TIAM1: variants seen among roughly 807,000 people sequenced by gnomAD.
The protein encoded by TIAM1 is rho guanine nucleotide exchange factor TIAM1.
In TIAM1, 65 loss-of-function variants were observed where a neutral mutation model predicts 163.5. That is an observed-to-expected ratio of 0.40 (90% CI 0.33 to 0.49). The LOEUF is 0.49. TIAM1 is among the 20% of genes least tolerant of loss of function. The pLI, the probability that TIAM1 is intolerant of heterozygous loss-of-function variation, is 0.77. For missense variants in TIAM1, 1,789 were observed against 2,044.7 expected (o/e 0.87, Z 2.41); for synonymous variants, 833 against 810.1 (o/e 1.03, Z -0.48).
intron 4 of TIAM1, among the ~76,000 whole-genome samples, chr21:31,263,924 C>A (rs2072616605): frequency 6.6e-6 from 1 of 152,132 alleles, no homozygotes; most frequent in South Asian, 2.1e-4. Context: ...CATGATCTGT[C>A]CAATTGACAG....
intron 2 of TIAM1, among the ~76,000 whole-genome samples, chr21:31,371,452 GA>G (rs1221374881): frequency 6.6e-6 from 1 of 152,160 alleles, no homozygotes; most frequent in African/African-American, 2.4e-5. Context: ...GGATGGGAAA[GA>G]AAATGTAATG....
At chr21:31,377,176 G>A (rs1197194071) in intron 2 of TIAM1, among the ~76,000 whole-genome samples, 2 of 99,208 alleles carry the variant, frequency 2.0e-5, no homozygotes, top group African/African-American at 4.1e-5. Flanking sequence ...ACTGCACCTG[G>A]CTGAAACTTT....
Position 31,120,211 on chromosome 21 carries a change from A to C in TIAM1, c.*157T>G. 1.6e-6 allele frequency: 1 copy of C among 643,554 alleles called. No homozygotes were observed. The allele number at this position is 643,554 out of a possible 1,614,324, so 39.9% of individuals were successfully genotyped here. ...TTTCTGATGTTGTTGAAAATGACAA[A>C]GTTGGGTGGCTACATGGCTTCAGAA... is the stretch of plus-strand genomic sequence containing the variant. On this transcript the variant is annotated 3_prime_UTR_variant, in exon 28 of 28. Coordinates refer to ENST00000541036, the MANE Select transcript of TIAM1 (RefSeq NM_001353694.2). This position sits in a 1 kb window ranked among gnomAD's most constrained non-coding sequence, Gnocchi z 4.2.
chr21:31,321,692 G>A (rs376905209), intron 2 of TIAM1, among the ~76,000 whole-genome samples: 1 of 151,632 alleles, frequency 6.6e-6, no homozygotes, highest in African/African-American at 2.4e-5. Flanking sequence ...AATTTTAAAA[G>A]CAAGTAAAAA....
chr21:31,443,261 A>G (rs2044501525), intron 2 of TIAM1, among the ~76,000 whole-genome samples: 1 of 152,304 alleles, frequency 6.6e-6, no homozygotes, highest in East Asian at 1.9e-4. Context: ...CTAGTAACAG[A>G]CAAGAAATAA....
At chr21:31,151,862 A>G (rs749684544) in intron 19 of TIAM1, among the ~76,000 whole-genome samples, 1 of 152,140 alleles carries the variant, frequency 6.6e-6, no homozygotes, top group Non-Finnish European at 1.5e-5. Context: ...AGAGGAAATA[A>G]GCATCCTTGC....
At chr21:31,160,716 G>C (rs1289791621) in intron 16 of TIAM1, 2 of 386,246 alleles carry the variant, frequency 5.2e-6, no homozygotes, top group African/African-American at 2.1e-5. Context: ...AACGCAGCAA[G>C]GACAGCGACG....
In TIAM1 at chr21:31,395,151, T is replaced by C. The variant is rs1218978300; in HGVS notation, c.-368-55729A>G. ...TACTTGGGAGGCTGCGGCACCAGAA[T>C]TGCTTGAGCCTGGGAGGCAGAGGTT... On this transcript the variant is annotated intron_variant, in intron 2 of 28. Transcript: ENST00000286827. This position sits in a 1 kb window ranked among gnomAD's most constrained non-coding sequence, Gnocchi z 7.5. Among the ~76,000 whole-genome samples, 1 of 152,000 alleles carries C rather than the reference T, an allele frequency of 6.6e-6. No homozygotes were observed. Among genetic ancestry groups the C allele is most frequent in the African/African-American group, 2.4e-5 (1 of 41,382 alleles).
At chr21:31,363,335 C>T (rs540239557) in intron 2 of TIAM1, among the ~76,000 whole-genome samples, 2 of 152,260 alleles carry the variant, frequency 1.3e-5, no homozygotes, top group South Asian at 2.1e-4. Flanking sequence ...CACAGACAAA[C>T]GTATTCCCAC....
intron 2 of TIAM1, among the ~76,000 whole-genome samples, chr21:31,295,501 T>A (rs1468319771): frequency 1.4e-5 from 2 of 143,800 alleles, no homozygotes; most frequent in East Asian, 2.0e-4. Context: ...GTCTTAAAGA[T>A]TATTTGGGTG....
intron 1 of TIAM1, among the ~76,000 whole-genome samples, chr21:31,509,736 G>A (rs1333465541): frequency 6.6e-6 from 1 of 152,112 alleles, no homozygotes; most frequent in Admixed American, 6.6e-5. Context: ...AAAAGTCAGA[G>A]GCCCTTCCCT....
intron 4 of TIAM1, among the ~76,000 whole-genome samples, chr21:31,255,382 C>G (rs573136501): frequency 6.6e-6 from 1 of 152,182 alleles, no homozygotes; most frequent in African/African-American, 2.4e-5. Flanking sequence ...TCCCAAATTC[C>G]CAGAAGTCCA....
rs1292242854 is a variant in TIAM1, at chr21:31,192,375, TG to T, written c.2575+2848del. ...GCTCATGCCTGTAATCCCAGCACTT[TG>T]GGAGGCCGAGGTGGGTGGATCAGTT... On this transcript the variant is annotated intron_variant, in intron 13 of 27. Coordinates refer to ENST00000541036, the MANE Select transcript of TIAM1 (RefSeq NM_001353694.2). Among the ~76,000 whole-genome samples, 3 of 152,160 alleles carry T rather than the reference TG, an allele frequency of 2.0e-5. No individual in the cohort carries two copies. The East Asian group carries it at 5.8e-4, about 29-fold the overall frequency.
intron 2 of TIAM1, among the ~76,000 whole-genome samples, chr21:31,373,436 A>T (rs531383451): frequency 1.3e-5 from 2 of 152,146 alleles, no homozygotes; most frequent in South Asian, 2.1e-4. Flanking sequence ...AGCGAAAGGC[A>T]CTTCTTTCGT....
chr21:31,124,412 C>A, intron 27 of TIAM1, 110 bp downstream of exon 27: 2 of 1,454,556 alleles, frequency 1.4e-6, no homozygotes, highest in South Asian at 1.6e-5. Flanking sequence ...CCTACATCAG[C>A]CCCCACCAGG....
At chr21:31,347,036 A>G (rs2076159937), upstream of TIAM1, among the ~76,000 whole-genome samples, 1 of 152,120 alleles carries the variant, frequency 6.6e-6, no homozygotes. Context: ...GAATTTTCTT[A>G]AAGCCACATA....
intron 1 of TIAM1, among the ~76,000 whole-genome samples, chr21:31,536,633 C>T (rs950168081): frequency 1.3e-5 from 2 of 152,246 alleles, no homozygotes; most frequent in African/African-American, 2.4e-5. Context: ...TATCTGCTGA[C>T]GTGTGTCCCC....
chr21:31,385,874 T>TATATTAGTTA (rs2076860172), intron 2 of TIAM1, among the ~76,000 whole-genome samples: 1 of 130,448 alleles, frequency 7.7e-6, no homozygotes, highest in African/African-American at 2.8e-5. Flanking sequence ...ATATATTAAT[T>TATATTAGTTA]ATATTAGTTA....
At chr21:31,415,604 T>C (rs2043344328) in intron 2 of TIAM1, among the ~76,000 whole-genome samples, 1 of 152,178 alleles carries the variant, frequency 6.6e-6, no homozygotes, top group African/African-American at 2.4e-5. Context: ...GTCGCCACAA[T>C]TTTTCTCTCC....
Sources: allele counts gnomAD v4.1 joint callset (sites outside exome capture counted in the v4.1 genomes callset), GRCh38; gene constraint gnomAD v4.1.1; non-coding constraint Gnocchi (gnomAD v3.1); transcripts MANE v1.5; gene names NCBI Gene and HGNC (gene_info 2026-07-23, HGNC 2026-07-21).